Variants in NUAK1 observed in about 807,000 individuals in gnomAD.
NUAK1 encodes the protein NUAK family kinase 1.
In NUAK1, 26 loss-of-function variants were observed where a neutral mutation model predicts 56.9. The ratio of observed to expected loss-of-function variants is 0.46; its 90% confidence interval spans 0.33 to 0.63. The LOEUF (loss-of-function observed/expected upper bound fraction) is 0.63, where lower values mean the gene tolerates loss of function less well. Among genes scored for constraint, NUAK1 ranks in the 30% least tolerant of loss-of-function variants. The probability of loss-of-function intolerance (pLI) is 0.02; values close to 1 mark genes in which losing one functional copy is unlikely to be tolerated. For synonymous variants in NUAK1, 337 were observed against 336.0 expected (o/e 1.00, Z -0.03); for missense variants, 727 against 876.1 (o/e 0.83, Z 2.15).
rs751218854 is a variant in NUAK1, at chr12:106,067,981, C to T, written c.833-26G>A. 11 of 1,572,576 alleles carry T rather than the reference C, an allele frequency of 7.0e-6. No homozygotes were observed. Among genetic ancestry groups the T allele is most frequent in the African/African-American group, 1.4e-5 (1 of 73,896 alleles). On this transcript the variant is annotated intron_variant, in intron 6 of 6. Coordinates refer to ENST00000261402, the MANE Select transcript of NUAK1 (RefSeq NM_014840.3). This position sits in a 1 kb window ranked among gnomAD's most constrained non-coding sequence, Gnocchi z 6.0. ...CTAAGGGACAAGGGACAAAAAGAAT[C>T]GGGCATTATGTGGGAGCTTCTGGCT... is the stretch of plus-strand genomic sequence containing the variant.
At chr12:106,098,541 G>A (rs1565923278) in intron 2 of NUAK1, among the ~76,000 whole-genome samples, 1 of 152,172 alleles carries the variant, frequency 6.6e-6, no homozygotes, top group Non-Finnish European at 1.5e-5. Context: ...AGTGATGAAA[G>A]GGTTGGCCAG....
At chr12:106,133,479 T>C (rs541893191) in intron 1 of NUAK1, among the ~76,000 whole-genome samples, 10 of 152,150 alleles carry the variant, frequency 6.6e-5, no homozygotes, top group Non-Finnish European at 1.5e-4. Flanking sequence ...TCTAGCAGCA[T>C]TGGGTTTCCA....
intron 2 of NUAK1, among the ~76,000 whole-genome samples, chr12:106,093,574 G>A (rs1021209841): frequency 6.6e-6 from 1 of 152,202 alleles, no homozygotes; most frequent in Non-Finnish European, 1.5e-5. Context: ...TATAAAAACA[G>A]TGCTCTGGTC....
intron 6 of NUAK1, among the ~76,000 whole-genome samples, chr12:106,068,518 G>T (rs773961622): frequency 1.3e-5 from 2 of 152,168 alleles, no homozygotes. Flanking sequence ...AGCTGGCCTC[G>T]CCCCAAGGTC....
intron 1 of NUAK1, among the ~76,000 whole-genome samples, chr12:106,128,132 T>TC (rs1243970754): frequency 6.9e-6 from 1 of 145,484 alleles, no homozygotes; most frequent in Non-Finnish European, 1.5e-5. Flanking sequence ...TCTTTTCTTT[T>TC]TCTTTTTTTT....
At chr12:106,070,677 T>C (rs755418071) in intron 6 of NUAK1, 97 bp downstream of exon 6, 2 of 1,485,924 alleles carry the variant, frequency 1.3e-6, no homozygotes, top group Non-Finnish European at 1.9e-6. Context: ...ACCAGGTGAC[T>C]CCAGACAGAC....
intron 4 of NUAK1, among the ~76,000 whole-genome samples, chr12:106,079,323 T>C (rs1279489002): frequency 1.3e-5 from 2 of 152,124 alleles, no homozygotes; most frequent in Non-Finnish European, 2.9e-5. Flanking sequence ...CTCCTTACTA[T>C]CAAACTCCTA....
At chr12:106,132,541 T>A (rs2033089226) in intron 1 of NUAK1, among the ~76,000 whole-genome samples, 1 of 152,174 alleles carries the variant, frequency 6.6e-6, no homozygotes, top group African/African-American at 2.4e-5. Context: ...TGTGGGGGCA[T>A]TTTTGTCTGC....
At chr12:106,126,486 G>A (rs2033025826) in intron 1 of NUAK1, among the ~76,000 whole-genome samples, 1 of 152,166 alleles carries the variant, frequency 6.6e-6, no homozygotes, top group Non-Finnish European at 1.5e-5. Flanking sequence ...GGGGCCCTGG[G>A]CCTCAGTTAC....
Position 106,138,650 on chromosome 12 carries a change from C to T in NUAK1, c.4G>A (p.Glu2Lys), listed in dbSNP as rs749623403. 1.3e-6 allele frequency: 2 copies of T among 1,533,850 alleles called. No homozygotes were observed. The highest frequency in any genetic ancestry group is 1.7e-6 in the Non-Finnish European group (2 of 1,149,808). Residue 2 changes from glutamate (E) to lysine (K), a missense_variant, in exon 1 of 7, where the codon GAA (glutamate) becomes AAA (lysine). Glu to Lys is a moderately conservative substitution (Grantham distance 56). Coordinates refer to ENST00000261402, the MANE Select transcript of NUAK1 (RefSeq NM_014840.3). This position sits in a 1 kb window ranked among gnomAD's most constrained non-coding sequence, Gnocchi z 5.0. ...CCCGCCACAGGCGCGGCGGCCCCTT[C>T]CATGTCCAAGCGCGGGGCGAGCCGG... is the stretch of plus-strand genomic sequence containing the variant. M[E>K]GAAAPVAGDR...
At chr12:106,094,946 C>T (rs1028910130) in intron 2 of NUAK1, among the ~76,000 whole-genome samples, 5 of 151,842 alleles carry the variant, frequency 3.3e-5, no homozygotes, top group African/African-American at 9.7e-5. Context: ...CCACACTGGA[C>T]GAGCCACTGG....
chr12:106,120,890 G>T (rs2032967611), intron 1 of NUAK1, among the ~76,000 whole-genome samples: 1 of 152,162 alleles, frequency 6.6e-6, no homozygotes, highest in Admixed American at 6.5e-5. Flanking sequence ...GCCACCTTCA[G>T]GAGAGCAGAC....
chr12:106,083,769 G>T, intron 4 of NUAK1, 95 bp downstream of exon 4: 1 of 1,050,712 alleles, frequency 9.5e-7, no homozygotes, highest in Non-Finnish European at 1.5e-6. Context: ...GGAAGTGGCT[G>T]CCTTATTTCC....
intron 1 of NUAK1, among the ~76,000 whole-genome samples, chr12:106,116,919 G>A (rs963590731): frequency 1.3e-5 from 2 of 152,192 alleles, no homozygotes; most frequent in African/African-American, 4.8e-5. Flanking sequence ...TCCCTAAAAC[G>A]ATGTGAGAAT....
At chr12:106,073,451 CCTAT>C (rs751223534) in intron 4 of NUAK1, among the ~76,000 whole-genome samples, 4 of 152,268 alleles carry the variant, frequency 2.6e-5, no homozygotes, top group South Asian at 4.2e-4. Flanking sequence ...CAACTCTGCT[CCTAT>C]CTGTCACTTA....
intron 2 of NUAK1, among the ~76,000 whole-genome samples, chr12:106,093,122 G>A (rs17041576): frequency 0.035 from 5,330 of 152,274 alleles, 113 homozygotes; most frequent in African/African-American, 0.053. Flanking sequence ...TGGACAATCA[G>A]AAAGATCAGT....
rs185134631 is a variant in NUAK1 at position 106,064,799 on chromosome 12, C to T, written c.*2003G>A. The T allele has an allele frequency of 6.8e-6, 1 of 147,842 alleles. No homozygotes were observed. The highest frequency in any genetic ancestry group is 1.5e-5 in the Non-Finnish European group (1 of 66,444). 9.2% of individuals were successfully genotyped at this position (147,842 alleles called of 1,614,324 possible). On this transcript the variant is annotated 3_prime_UTR_variant, in exon 7 of 7. Coordinates refer to ENST00000261402, the MANE Select transcript of NUAK1 (RefSeq NM_014840.3). Reference sequence around the variant, plus strand: ...TCCATGCACCCACACCCCCACCCCCCCCCACACACACAATTTGCTATCTAC... The same window carrying T: ...TCCATGCACCCACACCCCCACCCCCTCCCACACACACAATTTGCTATCTAC...
chr12:106,106,786 T>C (rs2032806644), intron 1 of NUAK1, among the ~76,000 whole-genome samples: 1 of 152,170 alleles, frequency 6.6e-6, no homozygotes, highest in South Asian at 2.1e-4. Context: ...TTGTTTTTGT[T>C]TTTTCATAAA....
intron 1 of NUAK1, among the ~76,000 whole-genome samples, chr12:106,132,716 T>G (rs1214542771): frequency 1.3e-5 from 2 of 152,168 alleles, no homozygotes; most frequent in Non-Finnish European, 2.9e-5. Flanking sequence ...AACAAACAGA[T>G]GGCTCACCAG....
Sources: allele counts gnomAD v4.1 joint callset (sites outside exome capture counted in the v4.1 genomes callset), GRCh38; gene constraint gnomAD v4.1.1; non-coding constraint Gnocchi (gnomAD v3.1); transcripts MANE v1.5; gene names NCBI Gene and HGNC (gene_info 2026-07-23, HGNC 2026-07-21).